VAC14: variants seen among roughly 807,000 people sequenced by gnomAD.
VAC14 encodes the protein protein VAC14 homolog.
A neutral mutation model predicts 85.3 loss-of-function variants in VAC14; 47 were observed. The observed-to-expected ratio is 0.55, with a 90% CI of 0.44 to 0.70. The LOEUF is 0.70. Among genes scored for constraint, VAC14 ranks in the 30% least tolerant of loss-of-function variants. The pLI, the probability that VAC14 is intolerant of heterozygous loss-of-function variation, is 0.00. For missense variants in VAC14, 861 were observed against 1,004.3 expected (o/e 0.86, Z 1.93); for synonymous variants, 447 against 430.5 (o/e 1.04, Z -0.47).
Position 70,687,788 on chromosome 16 carries a change from GC to G in VAC14, c.*139del. 1 of 940,350 alleles carries G rather than the reference GC, an allele frequency of 1.1e-6. No individual in the cohort carries two copies. The highest frequency in any genetic ancestry group is 1.7e-5 in the African/African-American group (1 of 58,450). 58.3% of individuals were successfully genotyped at this position (940,350 alleles called of 1,614,324 possible). A position where few individuals can be genotyped will look rare whatever the true frequency, so the allele number is the denominator to read the frequency against. ...GAGAGGAGCTTGGGCAGACACAGCA[GC>G]CTCCGGCCCCAACACTGCCCTGGGT... On this transcript the variant is annotated 3_prime_UTR_variant, in exon 19 of 19. Coordinates refer to ENST00000261776, the MANE Select transcript of VAC14 (RefSeq NM_018052.5).
chr16:70,698,156 C>T (rs1436131577), intron 15 of VAC14, among the ~76,000 whole-genome samples: 1 of 152,190 alleles, frequency 6.6e-6, no homozygotes, highest in African/African-American at 2.4e-5. Context: ...ATGACAGGTG[C>T]CTTAGGAGCC....
At chr16:70,742,784 C>G (rs35716135) in intron 13 of VAC14, among the ~76,000 whole-genome samples, 1 of 152,212 alleles carries the variant, frequency 6.6e-6, no homozygotes, top group African/African-American at 2.4e-5. Context: ...ACCAGCCCGG[C>G]TGGGCTGTGG....
intron 14 of VAC14, among the ~76,000 whole-genome samples, chr16:70,703,778 G>A (rs2053873183): frequency 6.6e-6 from 1 of 152,200 alleles, no homozygotes; most frequent in Non-Finnish European, 1.5e-5. Flanking sequence ...CCCTCGGCCT[G>A]CTCTGAACTT....
chr16:70,795,082 A>G (rs887471894), intron 1 of VAC14, among the ~76,000 whole-genome samples: 2 of 152,220 alleles, frequency 1.3e-5, no homozygotes. Flanking sequence ...CATATAGCCT[A>G]GTGTGTGGCA....
chr16:70,736,639 C>T (rs1269595032), intron 13 of VAC14, among the ~76,000 whole-genome samples: 1 of 152,188 alleles, frequency 6.6e-6, no homozygotes, highest in Non-Finnish European at 1.5e-5. Flanking sequence ...GTCCAGGCTG[C>T]CCCTTGGACC....
chr16:70,706,578 C>G (rs1372469072), intron 14 of VAC14, among the ~76,000 whole-genome samples: 1 of 152,218 alleles, frequency 6.6e-6, no homozygotes, highest in Non-Finnish European at 1.5e-5. Flanking sequence ...ATGGTGCGAT[C>G]TTAGCTCACT....
At chr16:70,722,091 AT>A (rs1323780383) in intron 14 of VAC14, among the ~76,000 whole-genome samples, 2 of 152,196 alleles carry the variant, frequency 1.3e-5, no homozygotes, top group Admixed American at 1.3e-4. Flanking sequence ...AGATGGAACA[AT>A]GACGAGGACA....
At chr16:70,786,057 GC>G in intron 2 of VAC14, 157 bp downstream of exon 2, 4 of 1,397,368 alleles carry the variant, frequency 2.9e-6, no homozygotes, top group Non-Finnish European at 3.9e-6. Flanking sequence ...AGGCTGCAAG[GC>G]CGCAAAGCCA....
chr16:70,708,715 G>T (rs2053969739), intron 14 of VAC14, among the ~76,000 whole-genome samples: 1 of 152,224 alleles, frequency 6.6e-6, no homozygotes, highest in African/African-American at 2.4e-5. Flanking sequence ...ATAGCAGGAA[G>T]GACCGATGGG....
At chr16:70,761,989 C>T (rs2032428044) in intron 12 of VAC14, among the ~76,000 whole-genome samples, 1 of 152,186 alleles carries the variant, frequency 6.6e-6, no homozygotes, top group African/African-American at 2.4e-5. Context: ...TGCCTTTGGG[C>T]AGCCTCACTC....
At chr16:70,718,455 C>T (rs930038616) in intron 14 of VAC14, among the ~76,000 whole-genome samples, 1 of 151,412 alleles carries the variant, frequency 6.6e-6, no homozygotes, top group African/African-American at 2.4e-5. Context: ...GCCTGTAGTC[C>T]CAACTACTCG....
At chr16:70,772,056 A>T in intron 10 of VAC14, 53 bp downstream of exon 10, 1 of 1,566,732 alleles carries the variant, frequency 6.4e-7, no homozygotes, top group Non-Finnish European at 8.8e-7. Flanking sequence ...CATCCAGGAA[A>T]GATCTAGGCC....
intron 17 of VAC14, 60 bp from the exon 18 acceptor site, chr16:70,693,031 C>T: frequency 6.4e-7 from 1 of 1,563,108 alleles, no homozygotes. Context: ...ACGCCCAGCC[C>T]ACACTGCCTG....
chr16:70,695,793 T>C, intron 16 of VAC14, 170 bp from the exon 17 acceptor site: 2 of 609,768 alleles, frequency 3.3e-6, no homozygotes, highest in Non-Finnish European at 5.8e-6. Context: ...CTCGCCTTTC[T>C]GTCCTAAATG....
At chr16:70,779,443 C>T (rs1294939425) in intron 9 of VAC14, among the ~76,000 whole-genome samples, 4 of 152,066 alleles carry the variant, frequency 2.6e-5, no homozygotes, top group Non-Finnish European at 5.9e-5. Context: ...CTGTCATTCA[C>T]TTGTTTCTCT....
intron 18 of VAC14, chr16:70,688,928 T>C (rs2053547842): frequency 1.0e-6 from 1 of 985,370 alleles, no homozygotes; most frequent in Non-Finnish European, 1.2e-6. Flanking sequence ...AGCAGATCCA[T>C]GTGGGCTAGG....
In VAC14 at chr16:70,784,143, G is replaced by A. The variant is rs144127006; in HGVS notation, c.564C>T (p.Asn188=). ...AGATGATGAACTGCCGGGCATACTG[G>A]TTGTTGGAGTAAATCCTCTCTCGCA... ...PLLRERIYSN[N]QYARQFIISW... is the part of the protein sequence containing the mutation. Residue 188 remains asparagine (N), a synonymous_variant, in exon 5 of 19, where the codon AAC becomes AAT. Transcript: ENST00000261776. 18 of 1,614,100 alleles carry A rather than the reference G, an allele frequency of 1.1e-5. No individual in the cohort carries two copies. The African/African-American group carries it at 2.1e-4, about 19-fold the overall frequency.
At chr16:70,692,308 C>T (rs962181758) in intron 18 of VAC14, among the ~76,000 whole-genome samples, 6 of 151,718 alleles carry the variant, frequency 4.0e-5, no homozygotes, top group African/African-American at 1.2e-4. Flanking sequence ...CACCCCACCC[C>T]GGAAGTGGCT....
At chr16:70,778,140 G>A (rs2033614447) in intron 9 of VAC14, among the ~76,000 whole-genome samples, 1 of 152,142 alleles carries the variant, frequency 6.6e-6, no homozygotes, top group Non-Finnish European at 1.5e-5. Context: ...TCCTGGTTAG[G>A]GTAATACTCT....
Sources: gnomAD v4.1 joint callset for allele counts (sites outside exome capture counted in the v4.1 genomes callset) on GRCh38, gnomAD v4.1.1 for gene constraint, MANE v1.5 for transcripts, NCBI Gene and HGNC (gene_info 2026-07-23, HGNC 2026-07-21) for gene names.